The following MYO9B variants were observed in gnomAD, a reference collection of about 807,000 sequenced individuals.
MYO9B encodes unconventional myosin-IXb.
In MYO9B, 71 loss-of-function variants were observed where a neutral mutation model predicts 229.5. The observed-to-expected ratio is 0.31, with a 90% CI of 0.26 to 0.38. The LOEUF (loss-of-function observed/expected upper bound fraction) is 0.38, where lower values mean the gene tolerates loss of function less well. MYO9B is among the 10% of genes least tolerant of loss of function. The probability of loss-of-function intolerance (pLI) is 1.00; values close to 1 mark genes in which losing one functional copy is unlikely to be tolerated. For missense variants in MYO9B, 2,255 were observed against 2,920.5 expected (o/e 0.77, Z 5.25); for synonymous variants, 1,185 against 1,235.8 (o/e 0.96, Z 0.86).
intron 2 of MYO9B, among the ~76,000 whole-genome samples, chr19:17,104,628 A>G (rs1445765874): frequency 6.6e-6 from 1 of 151,886 alleles, no homozygotes; most frequent in African/African-American, 2.4e-5. Context: ...GTCTCACTGT[A>G]TTCCCCAGGC....
chr19:17,163,215 C>G, intron 10 of MYO9B, 93 bp downstream of exon 10: 2 of 1,356,716 alleles, frequency 1.5e-6, no homozygotes, highest in Non-Finnish European at 2.0e-6. Flanking sequence ...ATATTCAGTT[C>G]AGCGGCGGTA....
chr19:17,173,165 G>A (rs900384297), intron 13 of MYO9B, among the ~76,000 whole-genome samples: 1 of 152,088 alleles, frequency 6.6e-6, no homozygotes, highest in African/African-American at 2.4e-5. Flanking sequence ...CATGCTATCA[G>A]CAACTCCATC....
chr19:17,146,034 G>C (rs2072405163), intron 3 of MYO9B, among the ~76,000 whole-genome samples: 1 of 151,874 alleles, frequency 6.6e-6, no homozygotes, highest in South Asian at 2.1e-4. Context: ...TAGATGGATA[G>C]ACAGATTTAT....
intron 2 of MYO9B, among the ~76,000 whole-genome samples, chr19:17,144,608 AAAAG>A (rs991977006): frequency 6.6e-6 from 1 of 151,956 alleles, no homozygotes; most frequent in African/African-American, 2.4e-5. Context: ...AACAAAAAAA[AAAAG>A]AGTGAAAGAA....
At chr19:17,197,742 G>A (rs1289886929) in intron 22 of MYO9B, 50 bp from the exon 23 acceptor site, 1 of 1,592,588 alleles carries the variant, frequency 6.3e-7, no homozygotes, top group Admixed American at 1.7e-5. Context: ...ACAAGAAAAT[G>A]CCACTGACTC....
chr19:17,078,656 CA>C (rs1190969738), intron 1 of MYO9B, among the ~76,000 whole-genome samples: 3 of 152,122 alleles, frequency 2.0e-5, no homozygotes, highest in South Asian at 2.1e-4. Context: ...AGCTTTAGGA[CA>C]AGGGGGATTC....
At chr19:17,120,987 G>A (rs375971273) in intron 2 of MYO9B, among the ~76,000 whole-genome samples, 5 of 152,196 alleles carry the variant, frequency 3.3e-5, no homozygotes, top group African/African-American at 1.2e-4. Context: ...CTATCGCCCA[G>A]GCTGGAGTGC....
chr19:17,158,931 C>A (rs558646189), intron 7 of MYO9B, among the ~76,000 whole-genome samples: 15 of 152,222 alleles, frequency 9.9e-5, no homozygotes, highest in African/African-American at 3.6e-4. Context: ...CAGCGGCTCA[C>A]GCCTATAATC....
Position 17,156,971 on chromosome 19 carries a change from C to T in MYO9B, c.1262C>T (p.Thr421Ile), listed in dbSNP as rs760706827. The change falls in exon 7 of 40, where the codon ACA (threonine) becomes ATA (isoleucine). Residue 421 changes from threonine to isoleucine, a missense_variant. By Grantham distance (89) the Thr-to-Ile change is moderately conservative. Transcript: ENST00000682292. ...LGNVTYKKRA[T>I]GREEGLEVGP... ...AACGTCACTTATAAGAAGAGAGCTA[C>T]AGGCCGAGAGGAAGGGTTGGAGGTC... The T allele has an allele frequency of 6.2e-7, 1 of 1,613,916 alleles. No homozygotes were observed. The highest frequency in any genetic ancestry group is 8.5e-7 in the Non-Finnish European group (1 of 1,179,878).
intron 2 of MYO9B, among the ~76,000 whole-genome samples, chr19:17,114,512 TC>T (rs201357279): frequency 0.02 from 3,039 of 152,258 alleles, 46 homozygotes; most frequent in Middle Eastern, 0.027. Flanking sequence ...AGCCTGCTCT[TC>T]CAGGTGCACT....
chr19:17,104,816 C>T (rs149246337), intron 2 of MYO9B, among the ~76,000 whole-genome samples: 100 of 152,184 alleles, frequency 6.6e-4, no homozygotes, highest in Middle Eastern at 3.4e-3. Flanking sequence ...AGAGAGTTCC[C>T]ATGTACCCCT....
chr19:17,161,987 C>CAA (rs71180369), intron 8 of MYO9B, among the ~76,000 whole-genome samples: 43,401 of 109,516 alleles, frequency 0.4, 8,145 homozygotes, highest in Middle Eastern at 0.47. Flanking sequence ...GACCCTGTGT[C>CAA]AAAAAAAAAA....
At chr19:17,107,889 T>C (rs952178424) in intron 2 of MYO9B, among the ~76,000 whole-genome samples, 2 of 152,052 alleles carry the variant, frequency 1.3e-5, no homozygotes, top group African/African-American at 4.8e-5. Context: ...GGGGTGAGGA[T>C]GTGGATATAA....
At chr19:17,104,990 C>G (rs1025089647) in intron 2 of MYO9B, among the ~76,000 whole-genome samples, 1 of 152,082 alleles carries the variant, frequency 6.6e-6, no homozygotes, top group Non-Finnish European at 1.5e-5. Context: ...ATGAATGTGT[C>G]TGCCGTTGGA....
At chr19:17,204,941 C>T (rs1367721761) in intron 30 of MYO9B, among the ~76,000 whole-genome samples, 3 of 152,048 alleles carry the variant, frequency 2.0e-5, no homozygotes, top group East Asian at 1.9e-4. Context: ...CACCTGAGGT[C>T]GGTAGTTCGA....
chr19:17,096,663 TTTGTTGTTGTTGTTG>T (rs150244722), intron 1 of MYO9B, among the ~76,000 whole-genome samples: 2,848 of 115,714 alleles, frequency 0.025, 154 homozygotes, highest in African/African-American at 0.09. Flanking sequence ...GTTCAGATAG[TTTGTTGTTGTTGTTG>T]TTGTTGTTGT....
At chr19:17,207,019 C>T (rs1245303192) in intron 34 of MYO9B, 94 bp from the exon 35 acceptor site, 2 of 1,503,746 alleles carry the variant, frequency 1.3e-6, no homozygotes, top group African/African-American at 2.8e-5. Flanking sequence ...GCTTTCCCAA[C>T]AGCCACCCCA....
chr19:17,205,105 C>T (rs113301446), intron 30 of MYO9B, among the ~76,000 whole-genome samples, 158 bp from the exon 31 acceptor site: 2 of 151,164 alleles, frequency 1.3e-5, no homozygotes, highest in African/African-American at 4.9e-5. Context: ...GAGCCGAGAT[C>T]ACGCCATTGC....
At chr19:17,093,918 G>A (rs1370495366) in intron 1 of MYO9B, among the ~76,000 whole-genome samples, 1 of 151,064 alleles carries the variant, frequency 6.6e-6, no homozygotes, top group African/African-American at 2.4e-5. Context: ...ACCTAGTTGT[G>A]TGGCCCAGGC....
Sources: gnomAD v4.1 joint callset for allele counts (sites outside exome capture counted in the v4.1 genomes callset) on GRCh38, gnomAD v4.1.1 for gene constraint, MANE v1.5 for transcripts, NCBI Gene and HGNC (gene_info 2026-07-23, HGNC 2026-07-21) for gene names.